ENTREP2: variants seen among roughly 807,000 people sequenced by gnomAD.
ENTREP2 encodes protein ENTREP2.
chr15:29,183,924 T>C, the ENTREP2 span, among the ~76,000 whole-genome samples: 2 of 152,166 alleles, frequency 1.3e-5, no homozygotes, highest in Admixed American at 6.5e-5. Context: ...CATAGTAAGA[T>C]TGAATAAATC....
At chr15:29,138,808 T>C in the ENTREP2 span, among the ~76,000 whole-genome samples, 1,072 of 151,844 alleles carry the variant, frequency 7.1e-3, 17 homozygotes, top group African/African-American at 0.025. Context: ...CCAAGCACTG[T>C]GTGGGGACTG....
chr15:29,657,182 G>C, the ENTREP2 span, among the ~76,000 whole-genome samples: 1 of 151,630 alleles, frequency 6.6e-6, no homozygotes, highest in African/African-American at 2.4e-5. Flanking sequence ...TGAGCAGCTG[G>C]GACTACACGC....
chr15:29,379,797 G>T, the ENTREP2 span, among the ~76,000 whole-genome samples: 1 of 152,176 alleles, frequency 6.6e-6, no homozygotes, highest in Non-Finnish European at 1.5e-5. Context: ...GCGCGCGGGG[G>T]TGATTGGGTG....
At chr15:29,344,526 C>T in the ENTREP2 span, among the ~76,000 whole-genome samples, 1 of 152,144 alleles carries the variant, frequency 6.6e-6, no homozygotes, top group Non-Finnish European at 1.5e-5. Context: ...CCCTGCTATG[C>T]ACCTGCTGAT....
At chr15:29,365,108 T>C in the ENTREP2 span, among the ~76,000 whole-genome samples, 1 of 152,314 alleles carries the variant, frequency 6.6e-6, no homozygotes, top group Middle Eastern at 3.4e-3. Context: ...CCACTTATCT[T>C]ATTACTGCCT....
chr15:29,234,673 G>GT, the ENTREP2 span: 2 of 1,566,060 alleles, frequency 1.3e-6, no homozygotes, highest in East Asian at 2.2e-5. Flanking sequence ...AGAGAAAAGT[G>GT]TAAGGGTCAT....
the ENTREP2 span, among the ~76,000 whole-genome samples, chr15:29,402,630 A>G: frequency 1.1e-3 from 165 of 152,292 alleles, 6 homozygotes; most frequent in East Asian, 0.027. Context: ...ATTTAATGCC[A>G]TGTAGAAACG....
chr15:29,524,362 T>G, the ENTREP2 span, among the ~76,000 whole-genome samples: 1 of 151,984 alleles, frequency 6.6e-6, no homozygotes, highest in Admixed American at 6.6e-5. Context: ...TAAAAAAAAC[T>G]AGAAAATACA....
the ENTREP2 span, among the ~76,000 whole-genome samples, chr15:29,351,401 AG>A: frequency 2.6e-5 from 4 of 152,210 alleles, no homozygotes; most frequent in African/African-American, 7.2e-5. Flanking sequence ...ATGACATGGG[AG>A]TCTTCTTATT....
At chr15:29,561,086 T>C in the ENTREP2 span, among the ~76,000 whole-genome samples, 1 of 16,276 alleles carries the variant, frequency 6.1e-5, no homozygotes, top group Non-Finnish European at 1.1e-4. Context: ...ATTCTCACAA[T>C]GACAAAAGAC....
the ENTREP2 span, among the ~76,000 whole-genome samples, chr15:29,139,308 G>T: frequency 2.6e-5 from 4 of 152,208 alleles, no homozygotes; most frequent in African/African-American, 9.6e-5. Context: ...CCGACCCACG[G>T]CTGCGTGTGT....
chr15:29,423,184 C>T, the ENTREP2 span, among the ~76,000 whole-genome samples: 1 of 152,044 alleles, frequency 6.6e-6, no homozygotes, highest in Non-Finnish European at 1.5e-5. Context: ...CAAATGTGAC[C>T]TTGGAATCTT....
chr15:29,469,576 G>A, the ENTREP2 span, among the ~76,000 whole-genome samples: 136 of 152,240 alleles, frequency 8.9e-4, 1 homozygote, highest in African/African-American at 3.1e-3. Context: ...CATGGCGGGG[G>A]AGGGGAAATA....
At chr15:29,261,886 A>G in the ENTREP2 span, among the ~76,000 whole-genome samples, 1 of 151,812 alleles carries the variant, frequency 6.6e-6, no homozygotes, top group East Asian at 1.9e-4. Context: ...TGAATTAGAA[A>G]TGAAAATCAA....
At chr15:29,629,001 C>T in the ENTREP2 span, among the ~76,000 whole-genome samples, 1 of 152,158 alleles carries the variant, frequency 6.6e-6, no homozygotes, top group Admixed American at 6.5e-5. Context: ...CTACCCGCCT[C>T]GGCCTCCCAG....
the ENTREP2 span, chr15:29,267,892 T>C: frequency 2.6e-5 from 4 of 152,228 alleles, no homozygotes; most frequent in Non-Finnish European, 5.9e-5. Flanking sequence ...ATACTAGTTA[T>C]GGTGGGGCCA....
At chr15:29,489,891 A>G in the ENTREP2 span, among the ~76,000 whole-genome samples, 1 of 152,208 alleles carries the variant, frequency 6.6e-6, no homozygotes, top group Non-Finnish European at 1.5e-5. Flanking sequence ...GATGCTTTTG[A>G]TGCATCCTGA....
the ENTREP2 span, among the ~76,000 whole-genome samples, chr15:29,605,708 GT>G: frequency 6.6e-6 from 1 of 151,728 alleles, no homozygotes; most frequent in Non-Finnish European, 1.5e-5. Flanking sequence ...TGATGGGGGG[GT>G]GCCTATAATC....
the ENTREP2 span, among the ~76,000 whole-genome samples, chr15:29,292,298 C>T: frequency 6.6e-6 from 1 of 151,912 alleles, no homozygotes; most frequent in Non-Finnish European, 1.5e-5. Context: ...TTCTTTCCTT[C>T]TTTTTCTCTT....
Sources: gnomAD v4.1 joint callset for allele counts (sites outside exome capture counted in the v4.1 genomes callset) on GRCh38, gnomAD v4.1.1 for gene constraint, MANE v1.5 for transcripts, NCBI Gene and HGNC (gene_info 2026-07-23, HGNC 2026-07-21) for gene names.